HROB: variants seen among roughly 807,000 people sequenced by gnomAD.
HROB encodes homologous recombination factor with OB-fold.
In HROB, 44 loss-of-function variants were observed where a neutral mutation model predicts 61.0. The ratio of observed to expected loss-of-function variants is 0.72; its 90% CI spans 0.57 to 0.93. HROB has a LOEUF of 0.93. HROB is among the 40% of genes least tolerant of loss of function. HROB has a pLI of 0.00. For missense variants in HROB, 716 were observed against 796.2 expected (o/e 0.90, Z 1.21); for synonymous variants, 301 against 310.4 (o/e 0.97, Z 0.32).
chr17:44,144,360 C>T (rs752821321), intron 1 of HROB, among the ~76,000 whole-genome samples: 7 of 151,936 alleles, frequency 4.6e-5, no homozygotes, highest in African/African-American at 7.3e-5. Context: ...AGGCTGGTCT[C>T]GAACGCCTGA....
At position 44,162,072 on chromosome 17, in the gene HROB, G is replaced by T. The variant is rs979363152; in HGVS notation, c.*140G>T. 4.3e-6 allele frequency: 4 copies of T among 921,352 alleles called. No individual in the cohort carries two copies. The highest frequency in any genetic ancestry group is 6.5e-6 in the Non-Finnish European group (4 of 613,436). The allele number at this position is 921,352 out of a possible 1,614,324, so 57.1% of individuals were successfully genotyped here. On this transcript the variant is annotated 3_prime_UTR_variant, in exon 10 of 10. Coordinates refer to ENST00000585683, the MANE Select transcript of HROB (RefSeq NM_001171251.3). Reference sequence around the variant, plus strand: ...GCTTCTGTGGTTGCTCCCACCCTGGGTGTTTTCCCTGAGAGCCCCCTCATC... The same window carrying T: ...GCTTCTGTGGTTGCTCCCACCCTGGTTGTTTTCCCTGAGAGCCCCCTCATC...
At chr17:44,150,484 G>C (rs2053767330) in intron 3 of HROB, among the ~76,000 whole-genome samples, 1 of 151,616 alleles carries the variant, frequency 6.6e-6, no homozygotes, top group Admixed American at 6.6e-5. Context: ...CCACCTCCCA[G>C]CTTCAAGTGA....
In HROB at chr17:44,142,153, C is replaced by T. The variant is rs1430293297; in HGVS notation, c.3+8C>T. The stretch of plus-strand genomic sequence containing the variant: ...CCACCCGCCGTCGCTATGGTAATGC[C>T]GCGCCCAGCTTGGGGGCTGGCGGGC... On this transcript the variant is annotated splice_region_variant and intron_variant, in intron 1 of 9. Coordinates refer to ENST00000585683, the MANE Select transcript of HROB (RefSeq NM_001171251.3). The T allele has an allele frequency of 1.4e-5, 22 of 1,523,020 alleles. No individual in the cohort carries two copies. The Admixed American group carries it at 3.0e-4, about 21-fold the overall frequency. The allele number at this position is 1,523,020 out of a possible 1,614,324, so 94.3% of individuals were successfully genotyped here.
At chr17:44,154,821 C>T (rs767970758) in intron 6 of HROB, 32 bp from the exon 7 acceptor site, 2 of 1,612,724 alleles carry the variant, frequency 1.2e-6, no homozygotes, top group South Asian at 2.2e-5. Context: ...TGCCCTTGAC[C>T]CCGAGACTGA....
rs759193752 is a variant in HROB, at chr17:44,154,893, G to T, written c.1599G>T (p.Thr533=). Residue 533 remains threonine, a synonymous_variant, in exon 7 of 10, where the codon ACG becomes ACT. Coordinates refer to ENST00000585683, the MANE Select transcript of HROB (RefSeq NM_001171251.3). ...QGTVHRLLLE[T]CQNELKPGSV... is the part of the protein sequence containing the mutation. ...CGGTGCACAGGTTGCTGCTGGAGAC[G>T]TGCCAGAATGAGCTGAAGCCTGGCT... 1 of 1,614,096 alleles carries T rather than the reference G, an allele frequency of 6.2e-7. No homozygotes were observed. Among genetic ancestry groups the T allele is most frequent in the Non-Finnish European group, 8.5e-7 (1 of 1,180,028 alleles).
Position 44,142,023 on chromosome 17 carries a change from C to A in HROB, c.-120C>A. 2.9e-6 allele frequency: 4 copies of A among 1,369,948 alleles called. No individual in the cohort carries two copies. The highest frequency in any genetic ancestry group is 3.0e-6 in the Non-Finnish European group (3 of 1,011,192). 84.9% of individuals were successfully genotyped at this position (1,369,948 alleles called of 1,614,324 possible). ...CAGAGACTCATCCCTCTGACCCCAG[C>A]CCGGAAGCACTGTCCCTCGGAGTCC... On this transcript the variant is annotated 5_prime_UTR_variant, in exon 1 of 10. Transcript: ENST00000585683.
Position 44,158,212 on chromosome 17 carries a change from C to T in HROB, c.1879+271C>T, listed in dbSNP as rs1485598576. Among the ~76,000 whole-genome samples the T allele has an allele frequency of 3.9e-5, 6 of 152,230 alleles. No homozygotes were observed. The East Asian group carries it at 9.7e-4, about 24-fold the overall frequency. On this transcript the variant is annotated intron_variant, in intron 9 of 9. Transcript: ENST00000585683. ...ATCAGCCACAAGGAGGAAACATCAC[C>T]ATCCCCTGTCCAGATGGACAGGCGC... is the stretch of plus-strand genomic sequence containing the variant.
intron 9 of HROB, 127 bp from the exon 10 acceptor site, chr17:44,161,744 C>T: frequency 1.0e-6 from 1 of 977,530 alleles, no homozygotes; most frequent in Non-Finnish European, 1.6e-6. Context: ...GTACCACTGC[C>T]TGGAGGAGCC....
chr17:44,157,214 C>G (rs1307546677), intron 8 of HROB, among the ~76,000 whole-genome samples: 1 of 152,164 alleles, frequency 6.6e-6, no homozygotes, highest in African/African-American at 2.4e-5. Context: ...ATGGCCTCTT[C>G]ACTCTCTGCT....
rs953829273 is a variant in HROB at position 44,148,422 on chromosome 17, G to C, written c.619G>C (p.Gly207Arg). ...AKKARVVDLS[G>R]SCQKGPVPAI... ...AAAAGCCCGGGTAGTTGATCTGAGT[G>C]GATCTTGCCAGAAGGGGCCTGTGCC... Residue 207 changes from glycine to arginine, a missense_variant, in exon 3 of 10, where the codon GGA becomes CGA. Transcript: ENST00000585683. The C allele has an allele frequency of 6.2e-7, 1 of 1,614,104 alleles. No homozygotes were observed. The highest frequency in any genetic ancestry group is 1.3e-5 in the African/African-American group (1 of 75,018).
chr17:44,154,199 G>A (rs1372074231), intron 5 of HROB, among the ~76,000 whole-genome samples: 6 of 151,706 alleles, frequency 4.0e-5, no homozygotes, highest in Non-Finnish European at 5.9e-5. Flanking sequence ...AAAATTAGCC[G>A]GGCGTGGTGG....
rs140080045 is a variant in HROB at position 44,155,364 on chromosome 17, G to A, written c.1723G>A (p.Asp575Asn). 6 of 1,614,142 alleles carry A rather than the reference G, an allele frequency of 3.7e-6. No individual in the cohort carries two copies. The Admixed American group carries it at 6.7e-5, about 18-fold the overall frequency. The change falls in exon 8 of 10, where the codon GAT (aspartate) becomes AAT (asparagine). Residue 575 changes from aspartate to asparagine, a missense_variant. Coordinates refer to ENST00000585683, the MANE Select transcript of HROB (RefSeq NM_001171251.3). ...CAACCTGGTCCATATTTACAGCCCG[G>A]ATTCTGGGGATGGGAGCTTCCTCAA... The part of the protein sequence containing the change: ...PNNLVHIYSP[D>N]SGDGSFLKPS...
At chr17:44,150,846 G>A (rs993272798) in intron 3 of HROB, 115 bp from the exon 4 acceptor site, 2 of 830,292 alleles carry the variant, frequency 2.4e-6, no homozygotes, top group African/African-American at 3.4e-5. Flanking sequence ...GATGTAATAT[G>A]TGTTAATAGT....
chr17:44,154,252 G>A (rs1302150023), intron 5 of HROB: 1 of 277,810 alleles, frequency 3.6e-6, no homozygotes, highest in Non-Finnish European at 7.1e-6. Flanking sequence ...TGAGGCAGGA[G>A]AATCGCTTGA....
chr17:44,157,765 G>GT (rs888867217), intron 8 of HROB, 68 bp from the exon 9 acceptor site: 2 of 1,215,360 alleles, frequency 1.6e-6, no homozygotes, highest in African/African-American at 3.0e-5. Context: ...GGTTGTCTGG[G>GT]TAGAGGTGGT....
rs1021621780 is a variant in HROB at position 44,161,897 on chromosome 17, C to G, written c.1906C>G (p.Leu636Val). The change falls in exon 10 of 10, where the codon CTT (leucine) becomes GTT (valine). Residue 636 changes from leucine to valine, a missense_variant. By Grantham distance (32) the Leu-to-Val change is conservative. Transcript: ENST00000585683. ...TGACCTGGATGGACTCCTGAGTGAGCTTCCTGAAGACTTCTTCTGTGGGAC... is the reference window on the plus strand; with the variant it reads ...TGACCTGGATGGACTCCTGAGTGAGGTTCCTGAAGACTTCTTCTGTGGGAC... ...ADDLDGLLSE[L>V]PEDFFCGTSS The G allele has an allele frequency of 1.2e-6, 2 of 1,614,210 alleles. No individual in the cohort carries two copies. The highest frequency in any genetic ancestry group is 1.7e-6 in the Non-Finnish European group (2 of 1,180,022).
In HROB at chr17:44,148,997, C is replaced by T; in HGVS notation, c.1194C>T (p.Phe398=). 6.2e-7 allele frequency: 1 copy of T among 1,613,940 alleles called. No homozygotes were observed. ...HPSTRAKTRR[F]PGPAGILPHQ... ...CCACCCGAGCCAAAACTCGCCGTTT[C>T]CCTGGCCCAGCTGGGATCCTGCCTC... Residue 398 remains phenylalanine, a synonymous_variant, in exon 3 of 10, where the codon TTC becomes TTT. Transcript: ENST00000585683.
intron 9 of HROB, 114 bp downstream of exon 9, chr17:44,158,055 T>C (rs180856297): frequency 4.0e-6 from 3 of 756,118 alleles, no homozygotes; most frequent in South Asian, 2.0e-5. Flanking sequence ...TTGGATCTTA[T>C]ATAATCTTAC....
intron 3 of HROB, among the ~76,000 whole-genome samples, chr17:44,150,086 G>A (rs1038544259): frequency 1.3e-5 from 2 of 152,312 alleles, no homozygotes; most frequent in Middle Eastern, 3.4e-3. Context: ...GCAGGTGTGG[G>A]GAAGCTGGGG....
Sources: gnomAD v4.1 joint callset for allele counts (sites outside exome capture counted in the v4.1 genomes callset) on GRCh38, gnomAD v4.1.1 for gene constraint, MANE v1.5 for transcripts, NCBI Gene and HGNC (gene_info 2026-07-23, HGNC 2026-07-21) for gene names.